GRM7: variants seen among roughly 807,000 people sequenced by gnomAD.
The protein encoded by GRM7 is glutamate metabotropic receptor 7.
A neutral mutation model predicts 84.5 loss-of-function variants in GRM7; 35 were observed. The ratio of observed to expected loss-of-function variants is 0.41; its 90% CI spans 0.32 to 0.55. The LOEUF (loss-of-function observed/expected upper bound fraction) is 0.55. Ranked by LOEUF, GRM7 falls within the 20% of genes least tolerant of loss-of-function variation. The pLI is 0.19. For missense variants in GRM7, 1,003 were observed against 1,194.6 expected (o/e 0.84, Z 2.36); for synonymous variants, 487 against 455.1 (o/e 1.07, Z -0.89).
intron 1 of GRM7, among the ~76,000 whole-genome samples, chr3:7,045,189 C>T (rs1192898338): frequency 4.6e-5 from 7 of 152,130 alleles, no homozygotes; most frequent in African/African-American, 1.7e-4. Flanking sequence ...ATAAATTGTA[C>T]AAAATCTCCA....
rs757149217 is a variant in GRM7, at chr3:7,579,123, C to T, written c.2217C>T (p.Asn739=). The change falls in exon 8 of 10, where the codon AAC becomes AAT. Residue 739 remains asparagine, a synonymous_variant. Transcript: ENST00000357716. ...IIDYDEHKTM[N]PEQARGVLKC... is the part of the protein sequence containing the mutation. ...ACTATGATGAACACAAGACAATGAA[C>T]CCTGAGCAAGCCAGAGGGGTTCTCA... 3 of 1,613,826 alleles carry T rather than the reference C, an allele frequency of 1.9e-6. No individual in the cohort carries two copies. The highest frequency in any genetic ancestry group is 3.3e-5 in the Admixed American group (2 of 60,012).
intron 1 of GRM7, among the ~76,000 whole-genome samples, chr3:7,038,165 A>G (rs372073814): frequency 1.1e-4 from 17 of 152,196 alleles, no homozygotes; most frequent in African/African-American, 3.9e-4. Context: ...GCTGATGCCT[A>G]GTACCCTTAC....
chr3:7,091,198 G>C (rs1198182918), intron 1 of GRM7, among the ~76,000 whole-genome samples: 1 of 147,156 alleles, frequency 6.8e-6, no homozygotes, highest in Non-Finnish European at 1.5e-5. Flanking sequence ...TTGTAGGCCT[G>C]GCAGTGAAGT....
chr3:6,882,036 T>G (rs1488162864), intron 1 of GRM7, among the ~76,000 whole-genome samples: 2 of 152,054 alleles, frequency 1.3e-5, no homozygotes, highest in Non-Finnish European at 2.9e-5. Context: ...TCTTTCCTGG[T>G]TGCAGTTGAT....
chr3:7,382,665 A>G (rs1417248760), intron 4 of GRM7, among the ~76,000 whole-genome samples: 1 of 152,224 alleles, frequency 6.6e-6, no homozygotes, highest in African/African-American at 2.4e-5. Flanking sequence ...TAGGAAGAGT[A>G]AGGATTGAAA....
At position 6,872,983 on chromosome 3, in the gene GRM7, T is replaced by C. The variant is rs145375565; in HGVS notation, c.519+11076T>C. ...AATCCTCTGGGTATATACCCAGTAA[T>C]GGGATTGCTGGGTCAAATGGTATTT... On this transcript the variant is annotated intron_variant, in intron 1 of 9. Transcript: ENST00000357716. Among the ~76,000 whole-genome samples the C allele has an allele frequency of 6.6e-3, 1,001 of 152,274 alleles. 9 individuals carry two copies. The highest frequency in any genetic ancestry group is 0.023 in the African/African-American group (947 of 41,548).
chr3:7,382,644 A>C (rs1461762806), intron 4 of GRM7, among the ~76,000 whole-genome samples: 1 of 152,240 alleles, frequency 6.6e-6, no homozygotes, highest in Admixed American at 6.5e-5. Context: ...AAGGGAAAAC[A>C]ATAGAATACA....
rs1180468649 is a variant in GRM7, at chr3:7,598,403, C to T, written c.2451+19046C>T. The stretch of plus-strand genomic sequence containing the variant: ...CACAGTGAACGCTGACACCAACAAC[C>T]TGTCCTTTGATAACACAGGCAGACT... On this transcript the variant is annotated intron_variant, in intron 8 of 9. Transcript: ENST00000357716. Among the ~76,000 whole-genome samples the T allele has an allele frequency of 3.9e-5, 6 of 152,286 alleles. No homozygotes were observed. In the South Asian group the frequency reaches 6.2e-4, roughly 16 times the overall value.
chr3:7,365,647 G>GTATATATATATATA (rs755999982), intron 4 of GRM7, among the ~76,000 whole-genome samples: 26 of 130,046 alleles, frequency 2.0e-4, no homozygotes, highest in African/African-American at 6.5e-4. Context: ...GTGCGTGTGT[G>GTATATATATATATA]TATATATATA....
chr3:7,119,123 C>G (rs956904952), intron 1 of GRM7, among the ~76,000 whole-genome samples: 4 of 152,038 alleles, frequency 2.6e-5, no homozygotes, highest in Non-Finnish European at 5.9e-5. Flanking sequence ...TTTTTAGAAA[C>G]TATGAGTGTG....
intron 2 of GRM7, among the ~76,000 whole-genome samples, chr3:7,266,019 G>A (rs1410801338): frequency 6.6e-6 from 1 of 152,104 alleles, no homozygotes; most frequent in African/African-American, 2.4e-5. Context: ...CCGATTTCAG[G>A]GGAGATGTAT....
intron 1 of GRM7, among the ~76,000 whole-genome samples, chr3:6,964,909 C>A (rs1167466482): frequency 6.6e-6 from 1 of 152,034 alleles, no homozygotes; most frequent in Admixed American, 6.5e-5. Flanking sequence ...TTTTTTCTGT[C>A]CCTTGAATTT....
Position 6,861,803 on chromosome 3 carries a change from G to C in GRM7, c.415G>C (p.Gly139Arg), listed in dbSNP as rs776294259. 6.2e-7 allele frequency: 1 copy of C among 1,614,170 alleles called. No individual in the cohort carries two copies. Among genetic ancestry groups the C allele is most frequent in the Admixed American group, 1.7e-5 (1 of 60,036 alleles). ...KDTSDVRCTN[G>R]EPPVFVKPEK... Reference sequence around the variant, plus strand: ...CACCTCCGACGTGCGCTGCACCAACGGCGAACCGCCGGTTTTCGTCAAGCC... The same window carrying C: ...CACCTCCGACGTGCGCTGCACCAACCGCGAACCGCCGGTTTTCGTCAAGCC... The change falls in exon 1 of 10, where the codon GGC becomes CGC. Residue 139 changes from glycine to arginine, a missense_variant. By Grantham distance (125) the Gly-to-Arg change is moderately radical. Around this residue, in one of 2 missense-constraint regions of GRM7, gnomAD observed 910 missense variants for 1,126.0 expected, o/e 0.81. Transcript: ENST00000357716. This position sits in a 1 kb window ranked among gnomAD's most constrained non-coding sequence, Gnocchi z 6.4.
At chr3:6,892,994 A>AATGATG (rs1011056663) in intron 1 of GRM7, 1 of 151,882 alleles carries the variant, frequency 6.6e-6, no homozygotes, top group Non-Finnish European at 1.5e-5. Context: ...TGATGATGAT[A>AATGATG]ATGATGATGA....
At chr3:6,950,704 C>G (rs1193254928) in intron 1 of GRM7, among the ~76,000 whole-genome samples, 3 of 152,206 alleles carry the variant, frequency 2.0e-5, no homozygotes, top group South Asian at 2.1e-4. Context: ...TGGGCTCCAC[C>G]CAGTTCAAGC....
chr3:7,566,118 T>G lies in GRM7; in HGVS notation c.1516-12304T>G, dbSNP rs1442632011. ...TGAATCAGCTGTTTTTTTTTTTTTT[T>G]TTTTTTTTTTTTTTGTAAAAGATCA... is the stretch of plus-strand genomic sequence containing the variant. On this transcript the variant is annotated intron_variant, in intron 7 of 9. Transcript: ENST00000357716. Among the ~76,000 whole-genome samples the G allele has an allele frequency of 3.3e-4, 50 of 150,152 alleles. No homozygotes were observed. In the East Asian group the frequency reaches 8.0e-3, roughly 24 times the overall value.
intron 1 of GRM7, among the ~76,000 whole-genome samples, chr3:7,100,585 G>C (rs1699076541): frequency 6.6e-6 from 1 of 151,718 alleles, no homozygotes; most frequent in East Asian, 1.9e-4. Flanking sequence ...ATTTTTATGA[G>C]CTTTAAAATT....
At chr3:7,531,233 G>C (rs1701024294) in intron 7 of GRM7, among the ~76,000 whole-genome samples, 1 of 152,096 alleles carries the variant, frequency 6.6e-6, no homozygotes, top group African/African-American at 2.4e-5. Flanking sequence ...TGTCAGGTTT[G>C]TCAAAGATCA....
intron 1 of GRM7, among the ~76,000 whole-genome samples, chr3:6,882,547 C>CCA (rs1553580175): frequency 6.6e-6 from 1 of 150,952 alleles, no homozygotes; most frequent in African/African-American, 2.4e-5. Flanking sequence ...CCTTGTTTCC[C>CCA]AAAAAAAAAA....
Sources: gnomAD v4.1 joint callset for allele counts (sites outside exome capture counted in the v4.1 genomes callset) on GRCh38, gnomAD v4.1.1 for gene constraint, gnomAD v4.1.1 regional missense constraint, Gnocchi (gnomAD v3.1) non-coding constraint, MANE v1.5 for transcripts, NCBI Gene and HGNC (gene_info 2026-07-23, HGNC 2026-07-21) for gene names.